DNAH9: variants seen among roughly 807,000 people sequenced by gnomAD.
DNAH9 encodes the protein DNAH9 variant protein.
In DNAH9, 345 loss-of-function variants were observed where a neutral mutation model predicts 471.6. The ratio of observed to expected loss-of-function variants is 0.73; its 90% CI spans 0.67 to 0.80. The LOEUF (loss-of-function observed/expected upper bound fraction) is 0.80, where lower values mean the gene tolerates loss of function less well. DNAH9 is among the 30% of genes least tolerant of loss of function. The pLI is 0.00. For synonymous variants in DNAH9, 2,093 were observed against 2,123.6 expected (o/e 0.99, Z 0.40); for missense variants, 5,407 against 5,609.2 (o/e 0.96, Z 1.15).
intron 43 of DNAH9, among the ~76,000 whole-genome samples, chr17:11,806,864 T>C (rs1969706382): frequency 6.6e-6 from 1 of 152,140 alleles, no homozygotes; most frequent in Non-Finnish European, 1.5e-5. Context: ...ATAAAGGGTG[T>C]AGCACCTTGC....
intron 63 of DNAH9, among the ~76,000 whole-genome samples, chr17:11,930,765 C>CAAAAAAAAAAAAAAAA (rs11371438): frequency 4.0e-5 from 5 of 125,172 alleles, no homozygotes; most frequent in African/African-American, 1.6e-4. Context: ...ACTCCATCTC[C>CAAAAAAAAAAAAAAAA]AAAAAAAAAA....
intron 49 of DNAH9, among the ~76,000 whole-genome samples, chr17:11,840,254 A>C (rs543220694): frequency 6.6e-6 from 1 of 152,354 alleles, no homozygotes; most frequent in South Asian, 2.1e-4. Context: ...GAAATGAGTC[A>C]GACATAAACA....
Position 11,930,420 on chromosome 17 carries a change from A to G in DNAH9, c.12105+327A>G, listed in dbSNP as rs1974469566. ...TCATTGATAAGATACACTGGGTCAC[A>G]CACTGATGGGCTATCTTCAGGCAGA... On this transcript the variant is annotated intron_variant, in intron 63 of 68. Transcript: ENST00000262442. 1.3e-5 allele frequency among the ~76,000 whole-genome samples: 2 copies of G among 152,206 alleles called. 1 individual carries two copies. Among genetic ancestry groups the G allele is most frequent in the South Asian group, 4.1e-4 (2 of 4,834 alleles).
intron 20 of DNAH9, among the ~76,000 whole-genome samples, chr17:11,692,184 C>A (rs899304286): frequency 6.0e-5 from 9 of 150,124 alleles, no homozygotes; most frequent in Admixed American, 1.3e-4. Flanking sequence ...AGTCCTCATT[C>A]TCTCACTTGC....
At chr17:11,767,278 G>C (rs12603082) in intron 36 of DNAH9, among the ~76,000 whole-genome samples, 6 of 152,074 alleles carry the variant, frequency 3.9e-5, no homozygotes, top group African/African-American at 1.4e-4. Context: ...GTCTTGAAGC[G>C]TATTATCTAG....
chr17:11,728,786 A>C (rs1421463043), intron 28 of DNAH9, among the ~76,000 whole-genome samples: 1 of 152,162 alleles, frequency 6.6e-6, no homozygotes, highest in Non-Finnish European at 1.5e-5. Context: ...ATCATGAAAG[A>C]TCTTTCACGT....
At chr17:11,837,633 C>T (rs531047814) in intron 49 of DNAH9, among the ~76,000 whole-genome samples, 1 of 152,336 alleles carries the variant, frequency 6.6e-6, no homozygotes, top group South Asian at 2.1e-4. Context: ...TCCGTTACAG[C>T]AATCTGAGTA....
chr17:11,858,163 T>A (rs952481044), intron 50 of DNAH9, among the ~76,000 whole-genome samples: 2 of 152,208 alleles, frequency 1.3e-5, no homozygotes, highest in Non-Finnish European at 2.9e-5. Flanking sequence ...ATGTTATGAT[T>A]TATAAAAATA....
chr17:11,869,142 T>C lies in DNAH9; in HGVS notation c.9942T>C (p.Asn3314=). The change falls in exon 51 of 69, where the codon AAT becomes AAC. Residue 3314 remains asparagine, a synonymous_variant. Transcript: ENST00000262442. ...AAIKAKIAHL[N]ENLAKLTARF... Reference sequence around the variant, plus strand: ...TATTCCTTCCTAAACAGCACCTTAATGAAAACCTGGCAAAGCTCACAGCCA... The same window carrying C: ...TATTCCTTCCTAAACAGCACCTTAACGAAAACCTGGCAAAGCTCACAGCCA... The C allele has an allele frequency of 6.2e-7, 1 of 1,613,568 alleles. No individual in the cohort carries two copies. Among genetic ancestry groups the C allele is most frequent in the South Asian group, 1.1e-5 (1 of 91,010 alleles).
At chr17:11,948,955 C>T (rs566256286) in intron 67 of DNAH9, among the ~76,000 whole-genome samples, 2 of 152,260 alleles carry the variant, frequency 1.3e-5, no homozygotes, top group African/African-American at 4.8e-5. Flanking sequence ...GACCGTGAGC[C>T]CAGGGCAACA....
chr17:11,705,056 C>G lies in DNAH9; in HGVS notation c.5423C>G (p.Ser1808Cys). The stretch of plus-strand genomic sequence containing the variant: ...AATGCCCAGGCTTTCCTCTGGCTGT[C>G]TCAGCTGCGCCATCGTTGGGATGAC... ...VDNAQAFLWL[S>C]QLRHRWDDEV... Residue 1808 changes from serine to cysteine, a missense_variant, in exon 26 of 69, where the codon TCT becomes TGT. Physicochemically the swap from Ser to Cys is moderately radical, Grantham distance 112 (BLOSUM62 -1). Transcript: ENST00000262442. The G allele has an allele frequency of 1.9e-6, 3 of 1,614,212 alleles. No individual in the cohort carries two copies. Among genetic ancestry groups the G allele is most frequent in the Non-Finnish European group, 1.7e-6 (2 of 1,180,008 alleles).
intron 14 of DNAH9, among the ~76,000 whole-genome samples, chr17:11,664,272 GGAGAGAGAGA>G (rs529645630): frequency 6.7e-6 from 1 of 150,364 alleles, no homozygotes; most frequent in Non-Finnish European, 1.5e-5. Context: ...AGGAAGGAGG[GGAGAGAGAGA>G]GAGAGAGTGA....
rs980306317 is a variant in DNAH9 at position 11,623,049 on chromosome 17, C to T, written c.1350+3268C>T. On this transcript the variant is annotated intron_variant, in intron 6 of 68. Transcript: ENST00000262442. The surrounding 1 kb of genome is among the most constrained non-coding windows in gnomAD (Gnocchi z 4.1). ...AGTGCAGTGGCACAATCTCGGCTCACGACAACCTCTGCCTCCTGGGTTCAA... is the reference window on the plus strand; with the variant it reads ...AGTGCAGTGGCACAATCTCGGCTCATGACAACCTCTGCCTCCTGGGTTCAA... 7.4e-5 allele frequency among the ~76,000 whole-genome samples: 11 copies of T among 149,576 alleles called. No homozygotes were observed. Among genetic ancestry groups the T allele is most frequent in the East Asian group, 2.0e-4 (1 of 4,994 alleles).
At chr17:11,875,924 G>C (rs1263840370) in intron 53 of DNAH9, 1 of 152,234 alleles carries the variant, frequency 6.6e-6, no homozygotes, top group Non-Finnish European at 1.5e-5. Flanking sequence ...AAGTGAGGCA[G>C]ACATCATTCA....
intron 26 of DNAH9, 135 bp from the exon 27 acceptor site, chr17:11,719,199 T>G: frequency 1.2e-6 from 1 of 810,804 alleles, no homozygotes; most frequent in Non-Finnish European, 1.9e-6. Context: ...CACAGTGCTG[T>G]GGGGAGCGGG....
chr17:11,737,155 T>G (rs2075361307), intron 28 of DNAH9, among the ~76,000 whole-genome samples: 1 of 152,238 alleles, frequency 6.6e-6, no homozygotes, highest in African/African-American at 2.4e-5. Context: ...ATTCTGCACG[T>G]AGAAAAGAAG....
At chr17:11,662,816 C>T (rs185280127) in intron 14 of DNAH9, among the ~76,000 whole-genome samples, 1,295 of 115,760 alleles carry the variant, frequency 0.011, 24 homozygotes, top group African/African-American at 0.039. Flanking sequence ...AGTGCAGTGG[C>T]GGGATCTCGG....
At chr17:11,720,479 T>G (rs574887286) in intron 27 of DNAH9, among the ~76,000 whole-genome samples, 22 of 152,288 alleles carry the variant, frequency 1.4e-4, no homozygotes, top group African/African-American at 5.3e-4. Context: ...TTTGTTATAT[T>G]GTATGTGTTT....
At chr17:11,606,443 C>CTTT (rs1404986645) in intron 1 of DNAH9, among the ~76,000 whole-genome samples, 3,256 of 68,950 alleles carry the variant, frequency 0.047, 694 homozygotes, top group African/African-American at 0.053. Flanking sequence ...CTTTTCTTTT[C>CTTT]TTTTCTTTTC....
Sources: allele counts gnomAD v4.1 joint callset (sites outside exome capture counted in the v4.1 genomes callset), GRCh38; gene constraint gnomAD v4.1.1; non-coding constraint Gnocchi (gnomAD v3.1); transcripts MANE v1.5; gene names NCBI Gene and HGNC (gene_info 2026-07-23, HGNC 2026-07-21).